The following CNTNAP2 variants were observed in gnomAD, a reference collection of about 807,000 sequenced individuals.
CNTNAP2 encodes the protein contactin associated protein 2, also known as contactin-associated protein-like 2.
A neutral mutation model predicts 155.2 loss-of-function variants in CNTNAP2; 98 were observed. The observed-to-expected ratio is 0.63, with a 90% CI of 0.54 to 0.75. The LOEUF is 0.75. Ranked by LOEUF, CNTNAP2 falls within the 30% of genes least tolerant of loss-of-function variation. The pLI is 0.00. For synonymous variants in CNTNAP2, 651 were observed against 631.2 expected (o/e 1.03, Z -0.47); for missense variants, 1,727 against 1,688.1 (o/e 1.02, Z -0.40).
chr7:147,644,237 A>G (rs1795329432), intron 13 of CNTNAP2, among the ~76,000 whole-genome samples: 1 of 152,250 alleles, frequency 6.6e-6, no homozygotes, highest in East Asian at 1.9e-4. Flanking sequence ...TTATATTTAT[A>G]TCCCCGGATT....
At chr7:146,299,452 T>C (rs1183044046) in intron 1 of CNTNAP2, among the ~76,000 whole-genome samples, 1 of 152,128 alleles carries the variant, frequency 6.6e-6, no homozygotes, top group Non-Finnish European at 1.5e-5. Flanking sequence ...GTCACGATCA[T>C]AGCTCACAGC....
At chr7:146,795,216 T>A (rs1387645308) in intron 2 of CNTNAP2, among the ~76,000 whole-genome samples, 1 of 152,254 alleles carries the variant, frequency 6.6e-6, no homozygotes, top group Non-Finnish European at 1.5e-5. Flanking sequence ...TTAGTAAATG[T>A]TGAAAATAAA....
intron 21 of CNTNAP2, among the ~76,000 whole-genome samples, chr7:148,320,467 T>A (rs188158171): frequency 1.3e-4 from 16 of 126,696 alleles, no homozygotes; most frequent in African/African-American, 4.1e-4. Context: ...CATGGCACCC[T>A]CCGCCTCCTG....
chr7:147,031,103 G>A (rs1483511857), intron 3 of CNTNAP2, among the ~76,000 whole-genome samples: 19 of 151,776 alleles, frequency 1.3e-4, no homozygotes, highest in Non-Finnish European at 2.9e-5. Flanking sequence ...TTTTAACATT[G>A]CCAAGATTGA....
chr7:147,544,216 T>A (rs998213400), intron 11 of CNTNAP2, among the ~76,000 whole-genome samples: 1 of 152,144 alleles, frequency 6.6e-6, no homozygotes, highest in Admixed American at 6.6e-5. Flanking sequence ...ATTGGCAAAT[T>A]ATGTTTGCAA....
chr7:146,837,224 C>A (rs1301569173), intron 2 of CNTNAP2, among the ~76,000 whole-genome samples: 1 of 152,040 alleles, frequency 6.6e-6, no homozygotes, highest in Non-Finnish European at 1.5e-5. Context: ...TGTCTCACAA[C>A]TTACTGGAAT....
At chr7:148,304,725 A>G (rs113442047) in intron 21 of CNTNAP2, among the ~76,000 whole-genome samples, 3 of 152,172 alleles carry the variant, frequency 2.0e-5, no homozygotes, top group Non-Finnish European at 2.9e-5. Flanking sequence ...GTTTTTAGTC[A>G]GTCACTGTTA....
intron 1 of CNTNAP2, among the ~76,000 whole-genome samples, chr7:146,464,187 GTTTTT>G (rs369508603): frequency 1.1e-5 from 1 of 91,544 alleles, no homozygotes; most frequent in Non-Finnish European, 2.2e-5. Context: ...CTTTGAAACT[GTTTTT>G]TTTTTTTTTT....
At chr7:146,827,562 T>C (rs1282215680) in intron 2 of CNTNAP2, among the ~76,000 whole-genome samples, 3 of 151,886 alleles carry the variant, frequency 2.0e-5, no homozygotes, top group African/African-American at 7.3e-5. Context: ...TTCTGGACAA[T>C]TCCAGTGAAT....
chr7:148,123,173 C>G (rs1301501427), intron 16 of CNTNAP2, among the ~76,000 whole-genome samples: 1 of 152,146 alleles, frequency 6.6e-6, no homozygotes, highest in Admixed American at 6.5e-5. Flanking sequence ...TGGGAGTCAT[C>G]ATCACTTAGA....
At chr7:146,273,989 A>G (rs578002674) in intron 1 of CNTNAP2, among the ~76,000 whole-genome samples, 33 of 152,302 alleles carry the variant, frequency 2.2e-4, no homozygotes, top group African/African-American at 7.7e-4. Context: ...CCTTGACATT[A>G]TATATACATA....
intron 2 of CNTNAP2, among the ~76,000 whole-genome samples, chr7:146,803,190 G>A (rs1051260275): frequency 2.6e-5 from 4 of 151,982 alleles, no homozygotes; most frequent in African/African-American, 7.3e-5. Context: ...TAAAAGTAAC[G>A]GGAAAATAAA....
chr7:148,311,939 G>C (rs1388042120), intron 21 of CNTNAP2, among the ~76,000 whole-genome samples: 1 of 152,176 alleles, frequency 6.6e-6, no homozygotes, highest in Non-Finnish European at 1.5e-5. Flanking sequence ...ATTGAAGTCT[G>C]GGCCAGGAAC....
chr7:147,712,978 C>A lies in CNTNAP2; in HGVS notation c.2098+73672C>A, dbSNP rs150529007. Among the ~76,000 whole-genome samples the A allele has an allele frequency of 5.4e-3, 822 of 152,252 alleles. 11 individuals are homozygous for A. The highest frequency in any genetic ancestry group is 0.019 in the African/African-American group (778 of 41,550). On this transcript the variant is annotated intron_variant, in intron 13 of 23. Coordinates refer to ENST00000361727, the MANE Select transcript of CNTNAP2 (RefSeq NM_014141.6). Reference sequence around the variant, plus strand: ...ATGGTAAAGCCCAATCTTTCCTCTGCCCACATTAGTCAGTGATTTCTTTAA... The same window carrying A: ...ATGGTAAAGCCCAATCTTTCCTCTGACCACATTAGTCAGTGATTTCTTTAA...
At chr7:147,053,998 T>C (rs1799516004) in intron 4 of CNTNAP2, among the ~76,000 whole-genome samples, 2 of 152,164 alleles carry the variant, frequency 1.3e-5, no homozygotes, top group Admixed American at 1.3e-4. Flanking sequence ...GTTATGCGAC[T>C]TGCATAAGCG....
intron 1 of CNTNAP2, among the ~76,000 whole-genome samples, chr7:146,403,782 A>G (rs912586268): frequency 6.6e-6 from 1 of 152,190 alleles, no homozygotes; most frequent in Admixed American, 6.5e-5. Context: ...ACATAGGTCT[A>G]GAACAGAGAC....
At chr7:148,215,614 A>G (rs1381501277) in intron 18 of CNTNAP2, among the ~76,000 whole-genome samples, 1 of 151,890 alleles carries the variant, frequency 6.6e-6, no homozygotes, top group East Asian at 1.9e-4. Flanking sequence ...TGTCACCCTC[A>G]ATATACAACG....
intron 3 of CNTNAP2, among the ~76,000 whole-genome samples, chr7:146,937,420 A>G (rs1796941981): frequency 6.6e-6 from 1 of 152,012 alleles, no homozygotes; most frequent in African/African-American, 2.4e-5. Flanking sequence ...ATACTTGTAC[A>G]CTTTCAAAAT....
chr7:148,416,977 A>G lies in CNTNAP2; in HGVS notation c.*1361A>G, dbSNP rs1800008518. On this transcript the variant is annotated 3_prime_UTR_variant, in exon 24 of 24. Transcript: ENST00000361727. ...AAAGTAATACACTTCCTGTAAACAA[A>G]TGGGGACAATGCATCCAAAAAATCT... 6.6e-6 allele frequency: 1 copy of G among 152,258 alleles called. No individual in the cohort carries two copies. The highest frequency in any genetic ancestry group is 2.4e-5 in the African/African-American group (1 of 41,458). 9.4% of individuals were successfully genotyped at this position (152,258 alleles called of 1,614,324 possible). A position where few individuals can be genotyped will look rare whatever the true frequency, so the allele number is the denominator to read the frequency against.
Sources: gnomAD v4.1 joint callset for allele counts (sites outside exome capture counted in the v4.1 genomes callset) on GRCh38, gnomAD v4.1.1 for gene constraint, MANE v1.5 for transcripts, NCBI Gene and HGNC (gene_info 2026-07-23, HGNC 2026-07-21) for gene names.